MICAL3: variants seen among roughly 807,000 people sequenced by gnomAD.
MICAL3 encodes [F-actin]-monooxygenase MICAL3.
In MICAL3, 62 loss-of-function variants were observed where a neutral mutation model predicts 207.4. The observed-to-expected ratio is 0.30, with a 90% CI of 0.24 to 0.37. The LOEUF is 0.37. Ranked by LOEUF, MICAL3 falls within the 10% of genes least tolerant of loss-of-function variation. MICAL3 has a pLI of 1.00. For synonymous variants in MICAL3, 1,077 were observed against 1,069.3 expected, an observed-to-expected ratio of 1.01 and a Z score of -0.14; for missense variants, 2,368 against 2,635.6, an observed-to-expected ratio of 0.90 and a Z score of 2.22.
intron 16 of MICAL3, chr22:17,881,220 T>C (rs1929394544): frequency 6.2e-7 from 1 of 1,612,530 alleles, no homozygotes; most frequent in African/African-American, 1.3e-5. Context: ...GGCCGCCATG[T>C]GCCCGACAGG....
Position 17,841,750 on chromosome 22 carries a change from C to T in MICAL3, c.2801+72G>A, listed in dbSNP as rs117558578. The T allele has an allele frequency of 0.026, 38,727 of 1,468,046 alleles. 831 individuals are homozygous for T. The highest frequency in any genetic ancestry group is 0.088 in the South Asian group (7,190 of 81,598). The allele number at this position is 1,468,046 out of a possible 1,614,324, so 90.9% of individuals were successfully genotyped here. On this transcript the variant is annotated intron_variant, in intron 20 of 31. Coordinates refer to ENST00000441493, the MANE Select transcript of MICAL3 (RefSeq NM_015241.3). This position sits in a 1 kb window ranked among gnomAD's most constrained non-coding sequence, Gnocchi z 4.2. Reference sequence around the variant, plus strand: ...AGGCCTCCCTTCACTGAGAAGAAACCGAGACACACAGAGGTGAGGAGGCTC... The same window carrying T: ...AGGCCTCCCTTCACTGAGAAGAAACTGAGACACACAGAGGTGAGGAGGCTC...
intron 21 of MICAL3, 31 bp from the exon 22 acceptor site, chr22:17,827,812 T>A (rs1302661101): frequency 6.6e-7 from 1 of 1,523,732 alleles, no homozygotes; most frequent in Non-Finnish European, 8.9e-7. Flanking sequence ...GGTGGAGAAA[T>A]GAGGTGGGGA....
chr22:17,902,503 C>T lies in MICAL3; in HGVS notation c.589+128G>A. Reference sequence around the variant, plus strand: ...TCTAAGGCTGCATCCAGGCCAAGTCCCCAAAGGCACAGGCTTTGGCTAGCT... The same window carrying T: ...TCTAAGGCTGCATCCAGGCCAAGTCTCCAAAGGCACAGGCTTTGGCTAGCT... On this transcript the variant is annotated intron_variant, in intron 4 of 31. Coordinates refer to ENST00000441493, the MANE Select transcript of MICAL3 (RefSeq NM_015241.3). The surrounding 1 kb of genome is among the most constrained non-coding windows in gnomAD (Gnocchi z 4.5). The T allele has an allele frequency of 1.7e-6, 1 of 586,812 alleles. No individual in the cohort carries two copies. Among genetic ancestry groups the T allele is most frequent in the Non-Finnish European group, 3.0e-6 (1 of 330,270 alleles). 36.4% of individuals were successfully genotyped at this position (586,812 alleles called of 1,614,324 possible). A position where few individuals can be genotyped will look rare whatever the true frequency, so the allele number is the denominator to read the frequency against.
intron 16 of MICAL3, chr22:17,876,868 AGGTT>A (rs1928534783): frequency 2.6e-4 from 35 of 137,074 alleles, no homozygotes; most frequent in South Asian, 6.6e-4. Context: ...GAGGTTAGGG[AGGTT>A]AGGGAGGTTA....
intron 15 of MICAL3, among the ~76,000 whole-genome samples, chr22:17,886,392 C>T (rs1929872200): frequency 6.6e-6 from 1 of 152,242 alleles, no homozygotes; most frequent in Non-Finnish European, 1.5e-5. Flanking sequence ...AGAGGCCAGG[C>T]ATGGTGGCTC....
chr22:17,901,227 T>C (rs571370847), intron 5 of MICAL3, among the ~76,000 whole-genome samples: 2 of 152,322 alleles, frequency 1.3e-5, no homozygotes, highest in East Asian at 3.9e-4. Context: ...GAAATCTGAC[T>C]GGCCAGAATA....
At chr22:17,822,300 T>C in intron 23 of MICAL3, 130 bp from the exon 24 acceptor site, 2 of 1,213,234 alleles carry the variant, frequency 1.6e-6, no homozygotes, top group Non-Finnish European at 1.1e-6. Context: ...AGGCCCTTCT[T>C]ACGCAGGGAC....
intron 16 of MICAL3, among the ~76,000 whole-genome samples, chr22:17,873,577 T>A (rs1602107713): frequency 6.6e-6 from 1 of 152,112 alleles, no homozygotes; most frequent in South Asian, 2.1e-4. Flanking sequence ...GGCCACGAGG[T>A]GTGGCCATGC....
At chr22:17,848,462 T>C (rs1030833211) in intron 19 of MICAL3, among the ~76,000 whole-genome samples, 8 of 152,212 alleles carry the variant, frequency 5.3e-5, no homozygotes, top group Non-Finnish European at 1.0e-4. Flanking sequence ...GCCTATGGAA[T>C]GTATGAAGCT....
chr22:17,813,438 C>T (rs1229479391), intron 27 of MICAL3: 1 of 152,204 alleles, frequency 6.6e-6, no homozygotes, highest in Non-Finnish European at 1.5e-5. Context: ...CTTCCCAAGC[C>T]TACAGGCGAG....
chr22:17,888,573 G>A (rs1433647709), intron 13 of MICAL3, among the ~76,000 whole-genome samples: 2 of 152,206 alleles, frequency 1.3e-5, no homozygotes, highest in African/African-American at 2.4e-5. Flanking sequence ...AGAAAAGCAA[G>A]TGCATGAGAG....
At chr22:17,906,156 T>A (rs1931701066) in intron 2 of MICAL3, among the ~76,000 whole-genome samples, 1 of 152,212 alleles carries the variant, frequency 6.6e-6, no homozygotes, top group Non-Finnish European at 1.5e-5. Context: ...AATAAAAGGT[T>A]CCCATGCCAC....
At chr22:17,829,154 G>C (rs1922516356) in intron 21 of MICAL3, among the ~76,000 whole-genome samples, 1 of 150,082 alleles carries the variant, frequency 6.7e-6, no homozygotes, top group South Asian at 2.1e-4. Flanking sequence ...CTTTTTCTGA[G>C]GTGAATTTGC....
intron 17 of MICAL3, among the ~76,000 whole-genome samples, chr22:17,866,896 G>A (rs1446405847): frequency 6.6e-6 from 1 of 152,170 alleles, no homozygotes; most frequent in African/African-American, 2.4e-5. Context: ...CTCACTTAAA[G>A]AGCGACTGAC....
At chr22:17,877,201 A>C (rs1194986936) in intron 16 of MICAL3, among the ~76,000 whole-genome samples, 11 of 83,066 alleles carry the variant, frequency 1.3e-4, no homozygotes, top group African/African-American at 3.8e-4. Context: ...GAGGTTAGGG[A>C]GGTTATGGAG....
At position 17,953,930 on chromosome 22, in the gene MICAL3, C is replaced by CAAAAAAAAAAAAAAAAAAAAAAAAAA. The variant is rs59740388; in HGVS notation, c.-74-47070_-74-47045dup. Among the ~76,000 whole-genome samples, 67 of 86,518 alleles carry CAAAAAAAAAAAAAAAAAAAAAAAAAA rather than the reference C, an allele frequency of 7.7e-4. 4 individuals carry two copies. The highest frequency in any genetic ancestry group is 1.4e-3 in the South Asian group (3 of 2,076). 56.8% of individuals were successfully genotyped at this position (86,518 alleles called of 152,430 possible). A position where few individuals can be genotyped will look rare whatever the true frequency, so the allele number is the denominator to read the frequency against. On this transcript the variant is annotated intron_variant, in intron 1 of 31. Coordinates refer to ENST00000441493, the MANE Select transcript of MICAL3 (RefSeq NM_015241.3). ...CAGGTGACAGAGTAAGACTCCATCT[C>CAAAAAAAAAAAAAAAAAAAAAAAAAA]AAAAAAAAAAAAAAAAAAAAAAAAA...
rs950475195 is a variant in MICAL3, at chr22:17,945,428, C to A, written c.-74-38542G>T. 2.0e-5 allele frequency among the ~76,000 whole-genome samples: 3 copies of A among 152,194 alleles called. No homozygotes were observed. In the South Asian group the frequency reaches 6.2e-4, roughly 31 times the overall value. On this transcript the variant is annotated intron_variant, in intron 1 of 31. Coordinates refer to ENST00000441493, the MANE Select transcript of MICAL3 (RefSeq NM_015241.3). The stretch of plus-strand genomic sequence containing the variant: ...GCCAACATCCGCTGTGGGCTCTGAG[C>A]ACCCCTGCACAGGCCCTGTGGGAGT...
chr22:17,810,257 G>A (rs906827672), intron 28 of MICAL3, among the ~76,000 whole-genome samples: 1 of 151,658 alleles, frequency 6.6e-6, no homozygotes, highest in Non-Finnish European at 1.5e-5. Flanking sequence ...AGAGACGGGG[G>A]TTTCACCGTG....
chr22:17,865,270 G>A (rs1926966056), intron 18 of MICAL3, among the ~76,000 whole-genome samples: 1 of 152,154 alleles, frequency 6.6e-6, no homozygotes. Flanking sequence ...ATCCACCTAG[G>A]TGCACCTCTT....
Sources: gnomAD v4.1 joint callset for allele counts (sites outside exome capture counted in the v4.1 genomes callset) on GRCh38, gnomAD v4.1.1 for gene constraint, Gnocchi (gnomAD v3.1) non-coding constraint, MANE v1.5 for transcripts, NCBI Gene and HGNC (gene_info 2026-07-23, HGNC 2026-07-21) for gene names.